Variants in DHX8 observed in about 807,000 individuals in gnomAD.
DHX8 encodes ATP-dependent RNA helicase DHX8.
In DHX8, 67 loss-of-function variants were observed where a neutral mutation model predicts 140.7. The observed-to-expected ratio is 0.48, with a 90% CI of 0.39 to 0.58. DHX8 has a LOEUF of 0.58. DHX8 is among the 20% of genes least tolerant of loss of function. The probability of loss-of-function intolerance (pLI) is 0.00; values close to 1 mark genes in which losing one functional copy is unlikely to be tolerated. For missense variants in DHX8, 887 were observed against 1,550.7 expected (o/e 0.57, Z 7.19); for synonymous variants, 533 against 553.2 (o/e 0.96, Z 0.51).
chr17:43,525,939 G>A (rs1385697365), downstream of DHX8: 1 of 985,328 alleles, frequency 1.0e-6, no homozygotes, highest in African/African-American at 1.7e-5. Context: ...AAGGATAAGA[G>A]ACAGCAGGGT....
chr17:43,529,025 A>G (rs1409310175), downstream of DHX8: 3 of 1,055,186 alleles, frequency 2.8e-6, no homozygotes, highest in East Asian at 2.4e-5. Context: ...TGACTGATTC[A>G]TTATCTGATC....
chr17:43,520,561 T>C (rs1202946749), intron 19 of DHX8, among the ~76,000 whole-genome samples, 190 bp from the exon 20 acceptor site: 1 of 152,234 alleles, frequency 6.6e-6, no homozygotes, highest in Non-Finnish European at 1.5e-5. Flanking sequence ...CTTGGTCACA[T>C]ACATCCCGTT....
Position 43,508,346 on chromosome 17 carries a change from C to G in DHX8, c.2328C>G (p.Ile776Met). 6.2e-7 allele frequency: 1 copy of G among 1,611,882 alleles called. No homozygotes were observed. Among genetic ancestry groups the G allele is most frequent in the Non-Finnish European group, 8.5e-7 (1 of 1,178,616 alleles). Residue 776 changes from isoleucine to methionine, a missense_variant, in exon 16 of 23, where the codon ATC becomes ATG. Ile to Met is a conservative substitution (Grantham distance 10, BLOSUM62 1). Coordinates refer to ENST00000262415, the MANE Select transcript of DHX8 (RefSeq NM_004941.3). ...QIHLTEPPGD[I>M]LVFLTGQEEI... ...GTTCTATTCTGCTCGTAGGTGATAT[C>G]CTGGTCTTCCTGACTGGTCAGGAAG...
At chr17:43,535,788 T>C (rs1214742929) in intron 2 of DHX8, among the ~76,000 whole-genome samples, 1 of 152,146 alleles carries the variant, frequency 6.6e-6, no homozygotes, top group African/African-American at 2.4e-5. Context: ...GGAGGCAAAA[T>C]TGTCCCCAGT....
downstream of DHX8, chr17:43,530,014 C>T (rs1422211357): frequency 6.2e-6 from 10 of 1,611,140 alleles, no homozygotes; most frequent in African/African-American, 1.3e-5. Flanking sequence ...CCCAGAGAGT[C>T]CAGAGGGACT....
intron 22 of DHX8, among the ~76,000 whole-genome samples, chr17:43,522,763 A>C (rs1295560290): frequency 2.0e-5 from 3 of 146,400 alleles, no homozygotes; most frequent in Non-Finnish European, 4.5e-5. Flanking sequence ...AAAAAAAAAA[A>C]AAAAACCAAC....
At chr17:43,494,259 T>G (rs1968714186) in intron 8 of DHX8, among the ~76,000 whole-genome samples, 1 of 152,152 alleles carries the variant, frequency 6.6e-6, no homozygotes, top group African/African-American at 2.4e-5. Context: ...TACCGTCCAC[T>G]GGGTCCCTCC....
intron 5 of DHX8, 39 bp downstream of exon 5, chr17:43,492,331 A>C: frequency 1.3e-6 from 2 of 1,547,922 alleles, no homozygotes; most frequent in Non-Finnish European, 1.8e-6. Flanking sequence ...AGTTTAGGGT[A>C]CTGTGACAGT....
chr17:43,528,487 C>G, downstream of DHX8: 1 of 1,468,124 alleles, frequency 6.8e-7, no homozygotes, highest in Non-Finnish European at 9.4e-7. Context: ...AGGGCAGCAC[C>G]CACCTGCGGC....
intron 1 of DHX8, among the ~76,000 whole-genome samples, chr17:43,488,286 GAAAAA>G (rs751549971): frequency 1.5e-4 from 17 of 112,334 alleles, no homozygotes; most frequent in Admixed American, 2.9e-4. Context: ...TCAAAAAAAA[GAAAAA>G]AAAAAGAAAA....
At chr17:43,530,210 A>G, downstream of DHX8, 4 of 1,552,512 alleles carry the variant, frequency 2.6e-6, no homozygotes, top group Non-Finnish European at 3.5e-6. Context: ...TGATGTGAGA[A>G]GTGGCTTGGG....
intron 17 of DHX8, among the ~76,000 whole-genome samples, chr17:43,514,643 G>A (rs992153560): frequency 3.3e-5 from 5 of 152,074 alleles, no homozygotes; most frequent in Admixed American, 3.3e-4. Flanking sequence ...TAACCTAACT[G>A]TTCTGCTTAT....
intron 3 of DHX8, among the ~76,000 whole-genome samples, chr17:43,541,270 C>G (rs1567715140): frequency 6.6e-6 from 1 of 152,196 alleles, no homozygotes; most frequent in African/African-American, 2.4e-5. Context: ...CTGAGCCTCG[C>G]GTTCCTGGAG....
chr17:43,530,115 C>T (rs1970828324), downstream of DHX8: 3 of 1,585,898 alleles, frequency 1.9e-6, no homozygotes, highest in Non-Finnish European at 2.6e-6. Flanking sequence ...ACCCATGGCC[C>T]CGTCACCTGG....
At chr17:43,485,413 C>T (rs1476924494) in intron 1 of DHX8, among the ~76,000 whole-genome samples, 1 of 152,142 alleles carries the variant, frequency 6.6e-6, no homozygotes, top group East Asian at 1.9e-4. Flanking sequence ...CACCATATAG[C>T]ATTTAGGAAG....
chr17:43,534,768 C>T (rs1056709284), intron 2 of DHX8, among the ~76,000 whole-genome samples: 1 of 152,068 alleles, frequency 6.6e-6, no homozygotes, highest in East Asian at 1.9e-4. Flanking sequence ...AGAGAAACCC[C>T]ATCTCTACTA....
chr17:43,495,671 T>G (rs762987986), intron 8 of DHX8, among the ~76,000 whole-genome samples: 1 of 152,132 alleles, frequency 6.6e-6, no homozygotes, highest in Non-Finnish European at 1.5e-5. Context: ...GCTTATACTT[T>G]ACAGCACCAT....
intron 11 of DHX8, among the ~76,000 whole-genome samples, chr17:43,502,466 C>T (rs567965842): frequency 1.3e-5 from 2 of 152,016 alleles, no homozygotes; most frequent in Non-Finnish European, 2.9e-5. Context: ...ACTATGTTGC[C>T]CCAGCTGGAG....
At chr17:43,513,717 T>TTTG in intron 17 of DHX8, among the ~76,000 whole-genome samples, 1 of 146,702 alleles carries the variant, frequency 6.8e-6, no homozygotes, top group South Asian at 2.2e-4. Context: ...ATCTTTTTTT[T>TTTG]TTTTTTTTTT....
Sources: allele counts gnomAD v4.1 joint callset (sites outside exome capture counted in the v4.1 genomes callset), GRCh38; gene constraint gnomAD v4.1.1; transcripts MANE v1.5; gene names NCBI Gene and HGNC (gene_info 2026-07-23, HGNC 2026-07-21).